Variants in CHST13 observed in about 807,000 individuals in gnomAD.
CHST13 encodes the protein carbohydrate sulfotransferase 13.
CHST13 carries 1 observed loss-of-function variant against 7.0 expected under a neutral mutation model. The ratio of observed to expected loss-of-function variants is 0.14; its 90% CI spans 0.05 to 0.68. CHST13 has a LOEUF of 0.68. Ranked by LOEUF, CHST13 falls within the 30% of genes least tolerant of loss-of-function variation. The probability of loss-of-function intolerance (pLI) is 0.82; values close to 1 mark genes in which losing one functional copy is unlikely to be tolerated. For missense variants in CHST13, 572 were observed against 507.9 expected, an observed-to-expected ratio of 1.13 and a Z score of -1.21; for synonymous variants, 257 against 240.9, an observed-to-expected ratio of 1.07 and a Z score of -0.62.
At position 126,524,439 on chromosome 3, in the gene CHST13, C is replaced by T. The variant is rs1936496380; in HGVS notation, c.97+10C>T. ...CGCTCCCTGCGCCCGGGTGAGTGCC[C>T]GCCGGCCGAGCCGCGCACCCCCAAC... On this transcript the variant is annotated intron_variant, in intron 1 of 2. Coordinates refer to ENST00000319340, the MANE Select transcript of CHST13 (RefSeq NM_152889.3). The T allele has an allele frequency of 3.8e-6, 4 of 1,056,622 alleles. No homozygotes were observed. The highest frequency in any genetic ancestry group is 4.8e-6 in the Non-Finnish European group (4 of 829,848). The allele number at this position is 1,056,622 out of a possible 1,614,324, so 65.5% of individuals were successfully genotyped here. A position where few individuals can be genotyped will look rare whatever the true frequency, so the allele number is the denominator to read the frequency against.
chr3:126,531,558 G>A (rs1442360277), intron 1 of CHST13, among the ~76,000 whole-genome samples: 4 of 152,146 alleles, frequency 2.6e-5, no homozygotes, highest in Admixed American at 6.5e-5. Flanking sequence ...AAATGGAATC[G>A]TGTCTTAGCT....
intron 1 of CHST13, chr3:126,527,113 C>T (rs4592980): frequency 0.45 from 68,475 of 152,182 alleles, 15,790 homozygotes; most frequent in African/African-American, 0.55. Context: ...TCCACTCCCG[C>T]GGCTGCAGGG....
intron 1 of CHST13, among the ~76,000 whole-genome samples, chr3:126,532,650 C>T (rs1936682329): frequency 6.6e-6 from 1 of 152,206 alleles, no homozygotes; most frequent in Admixed American, 6.5e-5. Context: ...GCCAGCACCA[C>T]ACAGTCTTGA....
chr3:126,541,618 G>C (rs899074449), intron 2 of CHST13, 115 bp from the exon 3 acceptor site: 2 of 1,006,934 alleles, frequency 2.0e-6, no homozygotes. Flanking sequence ...GAATTTGGGT[G>C]CCCGGCGCAG....
chr3:126,529,389 G>C (rs781528562), intron 1 of CHST13: 4 of 1,289,244 alleles, frequency 3.1e-6, no homozygotes, highest in Non-Finnish European at 4.0e-6. Flanking sequence ...ATGCCGCAAG[G>C]GGGGACAGGT....
At chr3:126,535,083 C>CCAGCCGGGAGACAGACGCATCCCTGTCCT (rs1553813237) in intron 1 of CHST13, among the ~76,000 whole-genome samples, 4 of 103,240 alleles carry the variant, frequency 3.9e-5, no homozygotes, top group Admixed American at 2.0e-4. Context: ...ATCCCTGTCC[C>CCAGCCGGGAGACAGACGCATCCCTGTCCT]CAGCCGGGAG....
Position 126,542,527 on chromosome 3 carries a change from G to A in CHST13, c.975G>A (p.Met325Ile). 2.6e-6 allele frequency: 4 copies of A among 1,540,422 alleles called. No homozygotes were observed. The highest frequency in any genetic ancestry group is 3.5e-6 in the Non-Finnish European group (4 of 1,149,584). ...YQRRLFDLYK[M>I]DFLLFNYSAP... The stretch of plus-strand genomic sequence containing the variant: ...GGCGCCTCTTCGACCTCTACAAGAT[G>A]GACTTCCTGCTTTTCAACTACTCCG... The change falls in exon 3 of 3, where the codon ATG becomes ATA. Residue 325 changes from methionine (M) to isoleucine (I), a missense_variant. Physicochemically the swap from Met to Ile is conservative, Grantham distance 10. Coordinates refer to ENST00000319340, the MANE Select transcript of CHST13 (RefSeq NM_152889.3).
chr3:126,536,769 C>T (rs988215198), intron 2 of CHST13, among the ~76,000 whole-genome samples: 40 of 151,872 alleles, frequency 2.6e-4, no homozygotes, highest in Admixed American at 7.9e-4. Flanking sequence ...GGCTGGCCCA[C>T]ACACCTAACT....
chr3:126,524,502 C>A, intron 1 of CHST13, 73 bp downstream of exon 1: 2 of 477,092 alleles, frequency 4.2e-6, no homozygotes, highest in South Asian at 1.1e-4. Context: ...GCGGCCTGAC[C>A]CCTCGACAGC....
At chr3:126,526,324 C>G (rs761728101) in intron 1 of CHST13, among the ~76,000 whole-genome samples, 2 of 152,224 alleles carry the variant, frequency 1.3e-5, no homozygotes, top group Non-Finnish European at 2.9e-5. Flanking sequence ...CATCCCCTGC[C>G]CTTGGCCTCT....
rs757930551 is a variant in CHST13 at position 126,541,928 on chromosome 3, G to T, written c.376G>T (p.Ala126Ser). Reference sequence around the variant, plus strand: ...CACCAACTGGAAGCGCGTGCTGCTGGCGCTGAGCGGCCAAGCCCGCGGCGA... The same window carrying T: ...CACCAACTGGAAGCGCGTGCTGCTGTCGCTGAGCGGCCAAGCCCGCGGCGA... ...ACTNWKRVLL[A>S]LSGQARGDPR... is the part of the protein sequence containing the mutation. Residue 126 changes from alanine (A) to serine (S), a missense_variant, in exon 3 of 3, where the codon GCG (alanine) becomes TCG (serine). Transcript: ENST00000319340. 1 of 1,594,548 alleles carries T rather than the reference G, an allele frequency of 6.3e-7. No individual in the cohort carries two copies. The highest frequency in any genetic ancestry group is 8.5e-7 in the Non-Finnish European group (1 of 1,171,522).
Position 126,524,324 on chromosome 3 carries a change from C to T in CHST13, c.-9C>T, listed in dbSNP as rs1038917531. 3.2e-6 allele frequency: 4 copies of T among 1,234,244 alleles called. No homozygotes were observed. Among genetic ancestry groups the T allele is most frequent in the South Asian group, 3.4e-5 (1 of 29,214 alleles). 76.5% of individuals were successfully genotyped at this position (1,234,244 alleles called of 1,614,324 possible). On this transcript the variant is annotated 5_prime_UTR_variant, in exon 1 of 3. Coordinates refer to ENST00000319340, the MANE Select transcript of CHST13 (RefSeq NM_152889.3). ...AGCGGACTGTCCTCCGCCGCGCGCCCGGCACAGCATGGGGAGGCGCTGCTG... is the reference window on the plus strand; with the variant it reads ...AGCGGACTGTCCTCCGCCGCGCGCCTGGCACAGCATGGGGAGGCGCTGCTG...
chr3:126,526,451 G>C (rs994373138), intron 1 of CHST13, among the ~76,000 whole-genome samples: 7 of 152,300 alleles, frequency 4.6e-5, no homozygotes, highest in African/African-American at 1.7e-4. Context: ...GAACTCAGGA[G>C]GGATTTCAGC....
At chr3:126,533,037 C>G (rs1219016856) in intron 1 of CHST13, among the ~76,000 whole-genome samples, 1 of 152,118 alleles carries the variant, frequency 6.6e-6, no homozygotes, top group East Asian at 1.9e-4. Flanking sequence ...TTTGATTATT[C>G]ATTGCTAGTA....
At chr3:126,528,422 T>C (rs1240503290) in intron 1 of CHST13, among the ~76,000 whole-genome samples, 1 of 152,162 alleles carries the variant, frequency 6.6e-6, no homozygotes, top group African/African-American at 2.4e-5. Context: ...GTGCCGTGGC[T>C]GGAGCTGAGC....
intron 2 of CHST13, among the ~76,000 whole-genome samples, chr3:126,539,836 C>T (rs1190030283): frequency 1.2e-5 from 1 of 84,832 alleles, no homozygotes; most frequent in Non-Finnish European, 2.2e-5. Flanking sequence ...ACCACACACA[C>T]ACCACACACA....
intron 2 of CHST13, 30 bp downstream of exon 2, chr3:126,536,383 G>A (rs1560140506): frequency 6.4e-7 from 1 of 1,561,358 alleles, no homozygotes; most frequent in Admixed American, 1.7e-5. Context: ...ACCCAGGCAT[G>A]CCCCCCTCCA....
In CHST13 at chr3:126,524,251, G is replaced by T; in HGVS notation, c.-82G>T. 1 of 1,091,508 alleles carries T rather than the reference G, an allele frequency of 9.2e-7. No homozygotes were observed. Among genetic ancestry groups the T allele is most frequent in the Non-Finnish European group, 1.1e-6 (1 of 870,218 alleles). The allele number at this position is 1,091,508 out of a possible 1,614,324, so 67.6% of individuals were successfully genotyped here. ...CGCGCGTCTTGGTAGGCGCTGCGCT[G>T]CCGGGGCCGGGTCCTGGGCCAGTGC... On this transcript the variant is annotated 5_prime_UTR_variant, in exon 1 of 3. Coordinates refer to ENST00000319340, the MANE Select transcript of CHST13 (RefSeq NM_152889.3).
chr3:126,539,360 A>C (rs975161449), intron 2 of CHST13, among the ~76,000 whole-genome samples: 1 of 152,048 alleles, frequency 6.6e-6, no homozygotes, highest in Non-Finnish European at 1.5e-5. Flanking sequence ...TTTCCCACTT[A>C]GTGTATCTTA....
Sources: gnomAD v4.1 joint callset for allele counts (sites outside exome capture counted in the v4.1 genomes callset) on GRCh38, gnomAD v4.1.1 for gene constraint, MANE v1.5 for transcripts, NCBI Gene and HGNC (gene_info 2026-07-23, HGNC 2026-07-21) for gene names.